Variants in IL17RC observed in about 807,000 individuals in gnomAD.
IL17RC encodes interleukin 17 receptor C, also known as interleukin-17 receptor C.
In IL17RC, 53 loss-of-function variants were observed where a neutral mutation model predicts 86.7. The observed-to-expected ratio is 0.61, with a 90% confidence interval of 0.49 to 0.77. IL17RC has a LOEUF of 0.77. Among genes scored for constraint, IL17RC ranks in the 30% least tolerant of loss-of-function variants. IL17RC has a pLI of 0.00. For synonymous variants in IL17RC, 439 were observed against 413.1 expected (o/e 1.06, Z -0.76); for missense variants, 957 against 940.0 (o/e 1.02, Z -0.24).
rs115949142 is a variant in IL17RC, at chr3:9,924,029, T to A, written c.762+9T>A. 0.036 allele frequency: 57,530 copies of A among 1,612,906 alleles called. 1,231 individuals are homozygous for A. The highest frequency in any genetic ancestry group is 0.067 in the South Asian group (6,058 of 91,070). Reference sequence around the variant, plus strand: ...GGTGGCACAAAAACCTGGTGAGGCCTCCCCCTTCCCAAGTCCATTCCCACT... The same window carrying A: ...GGTGGCACAAAAACCTGGTGAGGCCACCCCCTTCCCAAGTCCATTCCCACT... On this transcript the variant is annotated intron_variant, in intron 8 of 18. Transcript: ENST00000403601.
At chr3:9,924,146 A>C in intron 8 of IL17RC, 86 bp from the exon 9 acceptor site, 3 of 1,608,050 alleles carry the variant, frequency 1.9e-6, no homozygotes, top group Middle Eastern at 1.7e-4. Context: ...TGGTGGGGGA[A>C]CTTCTGCCTT....
rs568261758 is a variant in IL17RC, at chr3:9,932,371, C to G, written c.1388-237C>G. Among the ~76,000 whole-genome samples the G allele has an allele frequency of 3.3e-5, 5 of 152,158 alleles. No homozygotes were observed. In the East Asian group the frequency reaches 9.7e-4, roughly 29 times the overall value. On this transcript the variant is annotated intron_variant, in intron 16 of 18. Transcript: ENST00000403601. ...CCTCCCGAGTAGCTGGGATTACAGGCGTGTGCCACCACGCCCGGCTAATTT... is the reference window on the plus strand; with the variant it reads ...CCTCCCGAGTAGCTGGGATTACAGGGGTGTGCCACCACGCCCGGCTAATTT...
intron 7 of IL17RC, among the ~76,000 whole-genome samples, chr3:9,921,624 C>A (rs1026244769): frequency 1.5e-5 from 2 of 135,706 alleles, no homozygotes; most frequent in Admixed American, 1.5e-4. Flanking sequence ...TACTGATTTT[C>A]TTTTTTTTTT....
At chr3:9,931,462 CACACACACATAT>C (rs1258415492) in intron 16 of IL17RC, among the ~76,000 whole-genome samples, 4 of 130,390 alleles carry the variant, frequency 3.1e-5, no homozygotes, top group African/African-American at 1.5e-4. Flanking sequence ...TTCACACACA[CACACACACATAT>C]ATATATATAT....
At chr3:9,923,003 A>G (rs6765389) in intron 7 of IL17RC, among the ~76,000 whole-genome samples, 120,807 of 151,252 alleles carry the variant, frequency 0.8, 49,063 homozygotes, top group East Asian at 1. Flanking sequence ...GTGAAACCCC[A>G]TCTCTACAAA....
chr3:9,918,313 C>A, intron 3 of IL17RC, 22 bp from the exon 4 acceptor site: 1 of 1,558,850 alleles, frequency 6.4e-7, no homozygotes, highest in Non-Finnish European at 8.7e-7. Context: ...TCACCCAGGG[C>A]CTTGCTCTTG....
Position 9,931,621 on chromosome 3 carries a change from T to G in IL17RC, c.1387+678T>G, listed in dbSNP as rs535792642. ...TCCCGGGTTCAAGCAATTCTCTACC[T>G]CAGCCTCCCGGGTAGCTGGGATTAA... On this transcript the variant is annotated intron_variant, in intron 16 of 18. Transcript: ENST00000403601. Among the ~76,000 whole-genome samples the G allele has an allele frequency of 7.3e-5, 11 of 151,566 alleles. No individual in the cohort carries two copies. The South Asian group carries it at 1.9e-3, about 26-fold the overall frequency.
chr3:9,923,011 A>C (rs926797622), intron 7 of IL17RC, among the ~76,000 whole-genome samples: 1 of 151,424 alleles, frequency 6.6e-6, no homozygotes, highest in Non-Finnish European at 1.5e-5. Context: ...CCATCTCTAC[A>C]AAAAATACAA....
At chr3:9,931,569 C>G (rs139012584) in intron 16 of IL17RC, among the ~76,000 whole-genome samples, 6,468 of 150,608 alleles carry the variant, frequency 0.043, 485 homozygotes, top group African/African-American at 0.15. Context: ...TGCAATGGCG[C>G]GATCTCGGCT....
At position 9,932,719 on chromosome 3, in the gene IL17RC, C is replaced by A. The variant is rs747796954; in HGVS notation, c.1483+16C>A. ...CACGCGAAAGGTGAGCGCTTCCCGG[C>A]TCCCCATTCCCCTGGGGGAGGACCA... On this transcript the variant is annotated intron_variant, in intron 17 of 18. Coordinates refer to ENST00000403601, the MANE Select transcript of IL17RC (RefSeq NM_153460.4). The A allele has an allele frequency of 2.0e-5, 33 of 1,613,820 alleles. No individual in the cohort carries two copies. Among genetic ancestry groups the A allele is most frequent in the Non-Finnish European group, 2.7e-5 (32 of 1,179,856 alleles).
intron 16 of IL17RC, among the ~76,000 whole-genome samples, chr3:9,931,453 T>TCACACACACACA (rs201407577): frequency 1.8e-4 from 8 of 44,960 alleles, no homozygotes; most frequent in African/African-American, 4.1e-4. Flanking sequence ...TTTATATATT[T>TCACACACACACA]CACACACACA....
chr3:9,930,600 C>G lies in IL17RC; in HGVS notation c.1338+141C>G, dbSNP rs533688147. ...GTAGAAGAAGCACAGTTCCTATCCC[C>G]AAGGAGCACACTGTTGGCTAGACAC... On this transcript the variant is annotated intron_variant, in intron 15 of 18. Coordinates refer to ENST00000403601, the MANE Select transcript of IL17RC (RefSeq NM_153460.4). The surrounding 1 kb of genome is among the most constrained non-coding windows in gnomAD (Gnocchi z 5.8). The G allele has an allele frequency of 1.2e-6, 1 of 826,572 alleles. No homozygotes were observed. The highest frequency in any genetic ancestry group is 1.7e-5 in the African/African-American group (1 of 58,886). 51.2% of individuals were successfully genotyped at this position (826,572 alleles called of 1,614,324 possible). A position where few individuals can be genotyped will look rare whatever the true frequency, so the allele number is the denominator to read the frequency against.
chr3:9,930,417 A>G lies in IL17RC; in HGVS notation c.1296A>G (p.Gly432=). 6.2e-7 allele frequency: 1 copy of G among 1,614,032 alleles called. No individual in the cohort carries two copies. Among genetic ancestry groups the G allele is most frequent in the African/African-American group, 1.3e-5 (1 of 75,026 alleles). Residue 432 remains glycine (G), a synonymous_variant, in exon 15 of 19, where the codon GGA becomes GGG. Transcript: ENST00000403601. The surrounding 1 kb of genome is among the most constrained non-coding windows in gnomAD (Gnocchi z 5.8). ...SKASTRAARL[G]EYLLQDLQSG... is the part of the protein sequence containing the mutation. ...CTTGGCAGAGGGCAGCTCGCCTTGG[A>G]GAGTACTTACTACAAGACCTGCAGT...
chr3:9,920,500 G>A lies in IL17RC; in HGVS notation c.475G>A (p.Val159Ile). Residue 159 changes from valine (V) to isoleucine (I), a missense_variant, in exon 6 of 19, where the codon GTA becomes ATA. Transcript: ENST00000403601. ...ACCCCTCTCCTCACAGGGCTCTGTG[G>A]TATATGACTGCTTCGAGGCTGCCCT... ...VQFGQSVGSVVYDCFEAALGS... is the reference protein window; with the variant it reads ...VQFGQSVGSVIYDCFEAALGS... 1.9e-6 allele frequency: 3 copies of A among 1,596,172 alleles called. No homozygotes were observed. Among genetic ancestry groups the A allele is most frequent in the Non-Finnish European group, 8.6e-7 (1 of 1,168,990 alleles).
rs755843123 is a variant in IL17RC, at chr3:9,928,127, C to T, written c.823-39C>T. 18 of 1,604,220 alleles carry T rather than the reference C, an allele frequency of 1.1e-5. No homozygotes were observed. The South Asian group carries it at 1.9e-4, about 17-fold the overall frequency. On this transcript the variant is annotated intron_variant, in intron 9 of 18. Transcript: ENST00000403601. ...TCCAGCAGAGGGCCAGGCACATGCC[C>T]ATGGAGGGGACCTGAGCAGACCCCC...
At chr3:9,929,646 C>T (rs1253637148) in intron 12 of IL17RC, 10 of 644,820 alleles carry the variant, frequency 1.6e-5, no homozygotes, top group South Asian at 7.1e-5. Flanking sequence ...GGTCAGAAGA[C>T]GCTTTATACA....
chr3:9,917,889 C>A, intron 2 of IL17RC, 34 bp from the exon 3 acceptor site: 1 of 1,612,558 alleles, frequency 6.2e-7, no homozygotes, highest in Admixed American at 1.7e-5. Flanking sequence ...GGGCTTGGAA[C>A]AGCTTCAGCT....
intron 8 of IL17RC, 82 bp from the exon 9 acceptor site, chr3:9,924,135 TTGGTGGGGGAACTTC>T: frequency 6.2e-7 from 1 of 1,608,364 alleles, no homozygotes; most frequent in Non-Finnish European, 8.5e-7. Flanking sequence ...CAAGGGAAAA[TTGGTGGGGGAACTTC>T]TGCCTTCCTG....
intron 7 of IL17RC, among the ~76,000 whole-genome samples, chr3:9,921,987 C>T (rs113582686): frequency 1.6e-5 from 2 of 125,000 alleles, no homozygotes; most frequent in African/African-American, 6.2e-5. Flanking sequence ...GAATCTTGCT[C>T]TGTCGCCTAG....
Sources: allele counts gnomAD v4.1 joint callset (sites outside exome capture counted in the v4.1 genomes callset), GRCh38; gene constraint gnomAD v4.1.1; non-coding constraint Gnocchi (gnomAD v3.1); transcripts MANE v1.5; gene names NCBI Gene and HGNC (gene_info 2026-07-23, HGNC 2026-07-21).